Variants in PCDHA5 observed in about 807,000 individuals in gnomAD.
PCDHA5 encodes protocadherin alpha 5.
In PCDHA5, 43 loss-of-function variants were observed where a neutral mutation model predicts 61.6. The ratio of observed to expected loss-of-function variants is 0.70; its 90% CI spans 0.55 to 0.90. PCDHA5 has a LOEUF of 0.90. PCDHA5 is among the 40% of genes least tolerant of loss of function. The pLI, the probability that PCDHA5 is intolerant of heterozygous loss-of-function variation, is 0.00. For synonymous variants in PCDHA5, 627 were observed against 543.9 expected (o/e 1.15, Z -2.13); for missense variants, 1,298 against 1,222.7 (o/e 1.06, Z -0.92).
intron 1 of PCDHA5, chr5:140,930,355 C>G (rs1044171600): frequency 6.6e-6 from 1 of 151,448 alleles, no homozygotes; most frequent in Non-Finnish European, 1.5e-5. Context: ...TCAAATATTT[C>G]AATTTATCTG....
In PCDHA5 at chr5:140,822,314, A is replaced by G. The variant is rs2150115464; in HGVS notation, c.539A>G (p.Asp180Gly). The part of the protein sequence containing the change: ...RLNPNEYFDL[D>G]VKTNEEETNF... ...AATCCAAACGAATATTTTGACTTAG[A>G]TGTTAAAACAAATGAAGAAGAAACG... The change falls in exon 1 of 4, where the codon GAT becomes GGT. Residue 180 changes from aspartate (D) to glycine (G), a missense_variant. Asp to Gly is a moderately conservative substitution (Grantham distance 94). Coordinates refer to ENST00000529859, the MANE Select transcript of PCDHA5 (RefSeq NM_018908.3). 12 of 1,614,202 alleles carry G rather than the reference A, an allele frequency of 7.4e-6. No homozygotes were observed. Among genetic ancestry groups the G allele is most frequent in the South Asian group, 2.2e-5 (2 of 91,084 alleles).
chr5:140,834,196 A>T, intron 1 of PCDHA5: 1 of 595,792 alleles, frequency 1.7e-6, no homozygotes, highest in Non-Finnish European at 2.9e-6. Flanking sequence ...GTCGCTCTTT[A>T]CCGCAAATTC....
intron 1 of PCDHA5, chr5:140,928,017 C>T (rs782665827): frequency 1.2e-6 from 2 of 1,614,064 alleles, no homozygotes; most frequent in East Asian, 4.5e-5. Flanking sequence ...ATGGTAGGGT[C>T]ATTTGTGGCA....
At chr5:140,896,140 C>A (rs1415728420) in intron 1 of PCDHA5, among the ~76,000 whole-genome samples, 6 of 152,140 alleles carry the variant, frequency 3.9e-5, no homozygotes, top group Non-Finnish European at 7.4e-5. Flanking sequence ...ATCCAGTGCA[C>A]CATTGATGGG....
chr5:140,883,722 A>G (rs1249317360), intron 1 of PCDHA5: 1 of 1,613,546 alleles, frequency 6.2e-7, no homozygotes, highest in Non-Finnish European at 8.5e-7. Context: ...GCGGACGCAC[A>G]GGAGAACGCG....
Position 140,871,493 on chromosome 5 carries a change from A to G in PCDHA5, c.2352+47366A>G, listed in dbSNP as rs968230550. 7 of 1,589,034 alleles carry G rather than the reference A, an allele frequency of 4.4e-6. No homozygotes were observed. Among genetic ancestry groups the G allele is most frequent in the Non-Finnish European group, 6.0e-6 (7 of 1,166,200 alleles). Reference sequence around the variant, plus strand: ...GAGCCAGGGTCAAATCACCCCGGACAGGTGAGTTTTCTACAGATTCCACCT... The same window carrying G: ...GAGCCAGGGTCAAATCACCCCGGACGGGTGAGTTTTCTACAGATTCCACCT... On this transcript the variant is annotated intron_variant, in intron 1 of 3. Coordinates refer to ENST00000529859, the MANE Select transcript of PCDHA5 (RefSeq NM_018908.3).
chr5:140,823,855 G>T lies in PCDHA5; in HGVS notation c.2080G>T (p.Asp694Tyr). The T allele has an allele frequency of 6.2e-7, 1 of 1,613,846 alleles. No individual in the cohort carries two copies. The highest frequency in any genetic ancestry group is 1.1e-5 in the South Asian group (1 of 91,076). Residue 694 changes from aspartate to tyrosine, a missense_variant, in exon 1 of 4, where the codon GAT (aspartate) becomes TAT (tyrosine). Coordinates refer to ENST00000529859, the MANE Select transcript of PCDHA5 (RefSeq NM_018908.3). ...TGTGGGTCCCGAGGCTGCCCTGGTG[G>T]ATGTCAACGTGTACCTGATCATCGC... is the stretch of plus-strand genomic sequence containing the variant. ...GAVGPEAALV[D>Y]VNVYLIIAIC... is the part of the protein sequence containing the mutation.
At chr5:140,836,290 C>A (rs2150256990) in intron 1 of PCDHA5, 1 of 1,613,742 alleles carries the variant, frequency 6.2e-7, no homozygotes, top group Non-Finnish European at 8.5e-7. Context: ...ACGACACGAG[C>A]CCTAGATGAG....
At chr5:140,884,293 G>A in intron 1 of PCDHA5, 2 of 1,613,666 alleles carry the variant, frequency 1.2e-6, no homozygotes, top group Non-Finnish European at 1.7e-6. Flanking sequence ...GCGGCCAAGC[G>A]CCACAGGCTT....
chr5:140,937,069 G>A (rs1385358225), intron 1 of PCDHA5, among the ~76,000 whole-genome samples: 3 of 138,378 alleles, frequency 2.2e-5, no homozygotes, highest in South Asian at 2.2e-4. Context: ...ACGGAGTCTC[G>A]CTCTGTCGCC....
chr5:140,838,002 T>A (rs183534156), intron 1 of PCDHA5, among the ~76,000 whole-genome samples: 97 of 151,706 alleles, frequency 6.4e-4, no homozygotes, highest in South Asian at 2.7e-3. Context: ...TCCTTTTTTT[T>A]AAAAAAAGAA....
At chr5:140,998,722 G>A (rs572133347) in intron 3 of PCDHA5, among the ~76,000 whole-genome samples, 4 of 152,002 alleles carry the variant, frequency 2.6e-5, no homozygotes, top group Non-Finnish European at 4.4e-5. Flanking sequence ...GCACCACCAC[G>A]CTAGGCTAAT....
intron 1 of PCDHA5, among the ~76,000 whole-genome samples, chr5:140,906,598 C>T (rs1258343234): frequency 6.6e-6 from 1 of 152,238 alleles, no homozygotes; most frequent in African/African-American, 2.4e-5. Flanking sequence ...TCCTCTACTA[C>T]TCATTCTGTA....
chr5:140,941,619 C>T (rs1300512502), intron 1 of PCDHA5, among the ~76,000 whole-genome samples: 1 of 151,848 alleles, frequency 6.6e-6, no homozygotes, highest in African/African-American at 2.4e-5. Flanking sequence ...CCAGCCCATC[C>T]TGCTTCTTAA....
chr5:140,938,113 C>CT (rs1337308557), intron 1 of PCDHA5, among the ~76,000 whole-genome samples: 1 of 152,056 alleles, frequency 6.6e-6, no homozygotes, highest in Non-Finnish European at 1.5e-5. Context: ...TACTTTCTCT[C>CT]TTTTTTTAAA....
At chr5:140,843,750 A>G (rs2150366095) in intron 1 of PCDHA5, 5 of 1,520,464 alleles carry the variant, frequency 3.3e-6, no homozygotes, top group South Asian at 1.2e-5. Context: ...CATAAATTCT[A>G]TTTGTGGAAA....
At position 140,918,978 on chromosome 5, in the gene PCDHA5, G is replaced by C. The variant is rs1363137172; in HGVS notation, c.2353-59971G>C. On this transcript the variant is annotated intron_variant, in intron 1 of 3. Transcript: ENST00000529859. Reference sequence around the variant, plus strand: ...ACTAAGACAGATATCGTTTAGGTTAGTTGGTTTTTAGTGTTGTTCACATCT... The same window carrying C: ...ACTAAGACAGATATCGTTTAGGTTACTTGGTTTTTAGTGTTGTTCACATCT... Among the ~76,000 whole-genome samples, 5 of 152,204 alleles carry C rather than the reference G, an allele frequency of 3.3e-5. No homozygotes were observed. In the South Asian group the frequency reaches 8.3e-4, roughly 25 times the overall value.
At chr5:140,865,963 C>A (rs182783301) in intron 1 of PCDHA5, 23 of 152,226 alleles carry the variant, frequency 1.5e-4, no homozygotes, top group Non-Finnish European at 3.1e-4. Flanking sequence ...TAATTTTGTA[C>A]AATGTGTGAT....
rs2150235080 is a variant in PCDHA5, at chr5:140,835,409, T to C, written c.2352+11282T>C. The C allele has an allele frequency of 2.5e-6, 4 of 1,613,874 alleles. No individual in the cohort carries two copies. In the East Asian group the frequency reaches 8.9e-5, roughly 36 times the overall value. On this transcript the variant is annotated intron_variant, in intron 1 of 3. Coordinates refer to ENST00000529859, the MANE Select transcript of PCDHA5 (RefSeq NM_018908.3). ...GTACAGTTCTTGTGGAAGTTGTGGA[T>C]GTAAATGACAATGCTCCACAGTTGA...
Sources: allele counts gnomAD v4.1 joint callset (sites outside exome capture counted in the v4.1 genomes callset), GRCh38; gene constraint gnomAD v4.1.1; transcripts MANE v1.5; gene names NCBI Gene and HGNC (gene_info 2026-07-23, HGNC 2026-07-21).